The following KDM7A variants were observed in gnomAD, a reference collection of about 807,000 sequenced individuals.
The protein encoded by KDM7A is lysine demethylase 7A, also known as lysine-specific demethylase 7A.
Under a neutral mutation model 114.8 loss-of-function variants are expected in KDM7A, and 28 were observed. That is an observed-to-expected ratio of 0.24 (90% confidence interval 0.18 to 0.33). The LOEUF is 0.33. KDM7A is among the 10% of genes least tolerant of loss of function. The pLI is 1.00. For synonymous variants in KDM7A, 423 were observed against 397.8 expected (o/e 1.06, Z -0.75); for missense variants, 942 against 1,142.5 (o/e 0.82, Z 2.53).
chr7:140,154,440 G>A lies in KDM7A; in HGVS notation c.195-15250C>T, dbSNP rs936354706. On this transcript the variant is annotated intron_variant, in intron 1 of 19. Coordinates refer to ENST00000397560, the MANE Select transcript of KDM7A (RefSeq NM_030647.2). ...GCCCGGGAGTTTGAGGCTGTAGTGA[G>A]CTGACTGCACCGCTGCACTCCAGCC... 2.7e-5 allele frequency among the ~76,000 whole-genome samples: 4 copies of A among 149,232 alleles called. No homozygotes were observed. The South Asian group carries it at 6.4e-4, about 24-fold the overall frequency.
At chr7:140,117,901 C>A (rs538934323) in intron 9 of KDM7A, among the ~76,000 whole-genome samples, 2 of 152,262 alleles carry the variant, frequency 1.3e-5, no homozygotes, top group South Asian at 4.2e-4. Context: ...GGGATTCTAC[C>A]CCTATCCCAT....
intron 1 of KDM7A, among the ~76,000 whole-genome samples, chr7:140,158,577 T>C (rs1243456531): frequency 6.6e-6 from 1 of 152,132 alleles, no homozygotes; most frequent in Non-Finnish European, 1.5e-5. Context: ...CTACTATTCA[T>C]CCAAGTGGAG....
At chr7:140,102,531 C>T (rs930575276) in intron 11 of KDM7A, among the ~76,000 whole-genome samples, 8 of 152,104 alleles carry the variant, frequency 5.3e-5, no homozygotes, top group East Asian at 1.9e-4. Flanking sequence ...TACAGGCGCA[C>T]GCCACTGCAC....
At chr7:140,094,384 A>G (rs1184800679) in intron 17 of KDM7A, among the ~76,000 whole-genome samples, 6 of 152,196 alleles carry the variant, frequency 3.9e-5, no homozygotes, top group Non-Finnish European at 8.8e-5. Context: ...GGACGCCTGT[A>G]ATCTCAGCTA....
At chr7:140,151,219 A>G (rs1794396874) in intron 1 of KDM7A, among the ~76,000 whole-genome samples, 1 of 152,170 alleles carries the variant, frequency 6.6e-6, no homozygotes, top group Admixed American at 6.5e-5. Context: ...TATTGATCTA[A>G]AACTCTAGCA....
intron 2 of KDM7A, 64 bp downstream of exon 2, chr7:140,139,040 AC>A: frequency 1.0e-6 from 1 of 976,212 alleles, no homozygotes; most frequent in Non-Finnish European, 1.6e-6. Context: ...ATTACCATGT[AC>A]ATGTAAGTTT....
intron 11 of KDM7A, among the ~76,000 whole-genome samples, chr7:140,106,982 T>C (rs546485718): frequency 2.6e-5 from 4 of 152,350 alleles, no homozygotes; most frequent in African/African-American, 9.6e-5. Context: ...ATATTTAGGA[T>C]AGTTAGCTCT....
chr7:140,140,038 C>T (rs150490107), intron 1 of KDM7A, among the ~76,000 whole-genome samples: 2 of 152,218 alleles, frequency 1.3e-5, no homozygotes, highest in African/African-American at 4.8e-5. Context: ...ACCTCACATG[C>T]AAGTTCTATC....
At chr7:140,163,893 C>A (rs553694309) in intron 1 of KDM7A, among the ~76,000 whole-genome samples, 1 of 151,992 alleles carries the variant, frequency 6.6e-6, no homozygotes, top group East Asian at 1.9e-4. Context: ...TATAGTAGTA[C>A]AAGTAACAAA....
intron 17 of KDM7A, among the ~76,000 whole-genome samples, chr7:140,095,983 T>C (rs770439632): frequency 3.3e-5 from 5 of 152,200 alleles, no homozygotes. Flanking sequence ...ATTTATTATA[T>C]AGGCATTCAA....
chr7:140,161,167 TAAAGTAAA>T (rs1465861123), intron 1 of KDM7A, among the ~76,000 whole-genome samples: 1 of 152,120 alleles, frequency 6.6e-6, no homozygotes, highest in African/African-American at 2.4e-5. Context: ...CAAAAAGTAA[TAAAGTAAA>T]AAAGACTAAC....
chr7:140,110,036 G>T (rs1023036592), intron 11 of KDM7A, among the ~76,000 whole-genome samples: 2 of 152,066 alleles, frequency 1.3e-5, no homozygotes, highest in Non-Finnish European at 2.9e-5. Flanking sequence ...TCATTCTTCT[G>T]ATCCATCCTG....
intron 1 of KDM7A, among the ~76,000 whole-genome samples, chr7:140,153,976 TG>T (rs1794430106): frequency 6.6e-6 from 1 of 152,192 alleles, no homozygotes; most frequent in Admixed American, 6.5e-5. Flanking sequence ...GCGTGTAAAC[TG>T]AAGAACAGAC....
intron 11 of KDM7A, among the ~76,000 whole-genome samples, chr7:140,106,547 C>T (rs898339253): frequency 1.8e-4 from 27 of 152,160 alleles, no homozygotes; most frequent in African/African-American, 6.3e-4. Flanking sequence ...ATTATGTACC[C>T]AGTAGTCATT....
intron 1 of KDM7A, among the ~76,000 whole-genome samples, chr7:140,155,175 A>T (rs1447862791): frequency 6.6e-6 from 1 of 152,202 alleles, no homozygotes; most frequent in African/African-American, 2.4e-5. Context: ...TTATTACAAC[A>T]TAATTAACAA....
rs372580435 is a variant in KDM7A at position 140,094,099 on chromosome 7, G to A, written c.2414C>T (p.Ser805Phe). 2 of 1,605,552 alleles carry A rather than the reference G, an allele frequency of 1.2e-6. No homozygotes were observed. The highest frequency in any genetic ancestry group is 1.7e-6 in the Non-Finnish European group (2 of 1,172,242). The part of the protein sequence containing the change: ...VKTEDPDLRT[S>F]SWIKQFDTSR... Reference sequence around the variant, plus strand: ...AGTATCAAACTGTTTAATCCAGGAGGAAGTCCTCAAGTCTGGATCTTCAGT... The same window carrying A: ...AGTATCAAACTGTTTAATCCAGGAGAAAGTCCTCAAGTCTGGATCTTCAGT... Residue 805 changes from serine (S) to phenylalanine (F), a missense_variant, in exon 18 of 20, where the codon TCC becomes TTC. Transcript: ENST00000397560.
chr7:140,091,808 T>C lies in KDM7A; in HGVS notation c.2727A>G (p.Thr909=). 2 of 1,611,154 alleles carry C rather than the reference T, an allele frequency of 1.2e-6. No homozygotes were observed. The highest frequency in any genetic ancestry group is 1.7e-6 in the Non-Finnish European group (2 of 1,179,252). ...CTATACATGTGTGAAAGTTACCTTT[T>C]GTTGCCTGGTTGCTGATAGGTGGTG... is the stretch of plus-strand genomic sequence containing the variant. ...SNPPPISNQA[T]KGKRPKKGMA... The change falls in exon 19 of 20, where the codon ACA becomes ACG. Residue 909 remains threonine (T), a synonymous_variant. Coordinates refer to ENST00000397560, the MANE Select transcript of KDM7A (RefSeq NM_030647.2).
chr7:140,127,698 G>T, intron 4 of KDM7A, 115 bp from the exon 5 acceptor site: 2 of 890,056 alleles, frequency 2.2e-6, no homozygotes, highest in Non-Finnish European at 3.6e-6. Flanking sequence ...AAACTATGTA[G>T]TCTAGACAAA....
chr7:140,108,871 GGA>G (rs1030972907), intron 11 of KDM7A, among the ~76,000 whole-genome samples: 11 of 152,222 alleles, frequency 7.2e-5, no homozygotes, highest in Non-Finnish European at 1.6e-4. Flanking sequence ...CCCCAGAGGT[GGA>G]GTCTACAGAG....
Sources: allele counts gnomAD v4.1 joint callset (sites outside exome capture counted in the v4.1 genomes callset), GRCh38; gene constraint gnomAD v4.1.1; transcripts MANE v1.5; gene names NCBI Gene and HGNC (gene_info 2026-07-23, HGNC 2026-07-21).